FER: variants seen among roughly 807,000 people sequenced by gnomAD.
FER encodes tyrosine-protein kinase Fer.
A neutral mutation model predicts 111.0 loss-of-function variants in FER; 63 were observed. The observed-to-expected ratio is 0.57, with a 90% CI of 0.46 to 0.70. The LOEUF is 0.70. Ranked by LOEUF, FER falls within the 30% of genes least tolerant of loss-of-function variation. The pLI, the probability that FER is intolerant of heterozygous loss-of-function variation, is 0.00. For missense variants in FER, 914 were observed against 954.0 expected (o/e 0.96, Z 0.55); for synonymous variants, 327 against 313.9 (o/e 1.04, Z -0.44).
intron 2 of FER, among the ~76,000 whole-genome samples, chr5:108,769,355 C>T (rs1480722440): frequency 6.6e-6 from 1 of 151,964 alleles, no homozygotes; most frequent in Non-Finnish European, 1.5e-5. Flanking sequence ...TGCAGAAACC[C>T]TGAATGAGGA....
At position 109,192,806 on chromosome 5, in the gene FER, G is replaced by A. The variant is rs1429549109; in HGVS notation, c.*5231G>A. ...TTACTATGATGAGAGCTACTGTGGG[G>A]AAACATAGTATTCAACAGAGAAATG... On this transcript the variant is annotated 3_prime_UTR_variant, in exon 20 of 20. Coordinates refer to ENST00000281092, the MANE Select transcript of FER (RefSeq NM_005246.4). 1 of 152,080 alleles carries A rather than the reference G, an allele frequency of 6.6e-6. No individual in the cohort carries two copies. Among genetic ancestry groups the A allele is most frequent in the African/African-American group, 2.4e-5 (1 of 41,398 alleles). 9.4% of individuals were successfully genotyped at this position (152,080 alleles called of 1,614,324 possible).
At chr5:108,883,085 C>A (rs551913424) in intron 8 of FER, among the ~76,000 whole-genome samples, 2 of 152,078 alleles carry the variant, frequency 1.3e-5, no homozygotes, top group Admixed American at 6.6e-5. Flanking sequence ...GTTCTCTTCT[C>A]TTTTCTTTAC....
chr5:109,002,987 A>T (rs542347105), intron 13 of FER, among the ~76,000 whole-genome samples: 2 of 152,288 alleles, frequency 1.3e-5, no homozygotes, highest in African/African-American at 2.4e-5. Flanking sequence ...GAGGATGTGG[A>T]GAAATAGGAA....
At chr5:109,040,412 A>G (rs1770996792) in intron 14 of FER, among the ~76,000 whole-genome samples, 1 of 152,134 alleles carries the variant, frequency 6.6e-6, no homozygotes, top group South Asian at 2.1e-4. Flanking sequence ...TAGGAGGCAG[A>G]AAACCAGGAG....
At chr5:109,104,740 A>G (rs967906681) in intron 17 of FER, among the ~76,000 whole-genome samples, 3 of 152,068 alleles carry the variant, frequency 2.0e-5, no homozygotes, top group African/African-American at 7.2e-5. Context: ...TATGAGACCA[A>G]TATTTTTTTT....
chr5:108,908,327 G>A (rs1212988365), intron 10 of FER, among the ~76,000 whole-genome samples: 1 of 151,960 alleles, frequency 6.6e-6, no homozygotes, highest in African/African-American at 2.4e-5. Flanking sequence ...TTGCTATAAC[G>A]AAATAATAGC....
chr5:109,186,935 A>G (rs1209417888), intron 19 of FER, among the ~76,000 whole-genome samples: 4 of 152,224 alleles, frequency 2.6e-5, no homozygotes, highest in Non-Finnish European at 5.9e-5. Flanking sequence ...ACCTTCTCCT[A>G]CCTTTACACA....
chr5:109,016,968 G>T (rs1326220211), intron 13 of FER, among the ~76,000 whole-genome samples: 1 of 151,968 alleles, frequency 6.6e-6, no homozygotes, highest in Non-Finnish European at 1.5e-5. Context: ...GCCATGTGAG[G>T]ACACAGTGGG....
intron 12 of FER, among the ~76,000 whole-genome samples, chr5:108,956,496 G>A (rs1323838270): frequency 2.0e-5 from 3 of 151,612 alleles, no homozygotes; most frequent in Non-Finnish European, 4.4e-5. Flanking sequence ...GAAAGGGTCA[G>A]TGTGCAAATT....
At chr5:108,750,467 G>T (rs1750354054) in intron 1 of FER, among the ~76,000 whole-genome samples, 1 of 152,138 alleles carries the variant, frequency 6.6e-6, no homozygotes, top group African/African-American at 2.4e-5. Flanking sequence ...AAGATGCTGG[G>T]AATATATTAA....
intron 17 of FER, among the ~76,000 whole-genome samples, chr5:109,150,897 T>A (rs1754764380): frequency 6.6e-6 from 1 of 152,162 alleles, no homozygotes; most frequent in Non-Finnish European, 1.5e-5. Context: ...CAAAACAGAA[T>A]ACATTATAAT....
chr5:108,841,378 G>C (rs144291457), intron 5 of FER, among the ~76,000 whole-genome samples: 1 of 152,298 alleles, frequency 6.6e-6, no homozygotes, highest in African/African-American at 2.4e-5. Flanking sequence ...CCATAAAACA[G>C]TTTTGTGAAT....
At chr5:108,859,693 C>A (rs1763324956) in intron 5 of FER, among the ~76,000 whole-genome samples, 1 of 152,070 alleles carries the variant, frequency 6.6e-6, no homozygotes. Flanking sequence ...TGTTAGAAGA[C>A]TGTGGATCAA....
At chr5:109,091,643 C>G (rs1353985549) in intron 16 of FER, among the ~76,000 whole-genome samples, 1 of 152,132 alleles carries the variant, frequency 6.6e-6, no homozygotes, top group African/African-American at 2.4e-5. Context: ...CAGCCTCAAC[C>G]CTTGAGAGCG....
At chr5:108,838,411 C>G (rs1045279141) in intron 5 of FER, among the ~76,000 whole-genome samples, 1 of 152,112 alleles carries the variant, frequency 6.6e-6, no homozygotes, top group African/African-American at 2.4e-5. Context: ...TAACATAGAG[C>G]ATCCAATTAG....
rs1751243106 is a variant in FER, at chr5:108,909,414, C to G, written c.1236+11566C>G. ...ATCTGAAACTAAGGAAAGGTTTTCTCTATCACAGTGTATCTAGAGATCTTT... is the reference window on the plus strand; with the variant it reads ...ATCTGAAACTAAGGAAAGGTTTTCTGTATCACAGTGTATCTAGAGATCTTT... On this transcript the variant is annotated intron_variant, in intron 10 of 19. Coordinates refer to ENST00000281092, the MANE Select transcript of FER (RefSeq NM_005246.4). Among the ~76,000 whole-genome samples the G allele has an allele frequency of 3.9e-5, 6 of 152,172 alleles. No individual in the cohort carries two copies. In the South Asian group the frequency reaches 1.2e-3, roughly 31 times the overall value.
At chr5:108,804,451 G>C (rs1199747082) in intron 3 of FER, among the ~76,000 whole-genome samples, 2 of 152,132 alleles carry the variant, frequency 1.3e-5, no homozygotes, top group Non-Finnish European at 2.9e-5. Flanking sequence ...CGTTCAGTAT[G>C]ATGTGGGCTG....
intron 13 of FER, among the ~76,000 whole-genome samples, chr5:108,981,037 C>T (rs1561713327): frequency 1.3e-5 from 2 of 152,012 alleles, no homozygotes; most frequent in African/African-American, 4.8e-5. Flanking sequence ...GGTTGCCAAA[C>T]CTTCAATTTG....
chr5:109,036,389 G>T (rs1275852441), intron 13 of FER, among the ~76,000 whole-genome samples: 11 of 151,962 alleles, frequency 7.2e-5, no homozygotes, highest in Non-Finnish European at 1.6e-4. Context: ...TTGCCACATG[G>T]TATTTCAGAA....
Sources: gnomAD v4.1 joint callset for allele counts (sites outside exome capture counted in the v4.1 genomes callset) on GRCh38, gnomAD v4.1.1 for gene constraint, MANE v1.5 for transcripts, NCBI Gene and HGNC (gene_info 2026-07-23, HGNC 2026-07-21) for gene names.